Variants in PPFIA1 observed in about 807,000 individuals in gnomAD.
PPFIA1 encodes the protein PPFI scaffold protein A1.
In PPFIA1, 25 loss-of-function variants were observed where a neutral mutation model predicts 149.9. The observed-to-expected ratio is 0.17, with a 90% confidence interval of 0.12 to 0.23. The LOEUF is 0.23. PPFIA1 is among the 10% of genes least tolerant of loss of function. The probability of loss-of-function intolerance (pLI) is 1.00; values close to 1 mark genes in which losing one functional copy is unlikely to be tolerated. For missense variants in PPFIA1, 1,362 were observed against 1,506.5 expected (o/e 0.90, Z 1.59); for synonymous variants, 549 against 552.8 (o/e 0.99, Z 0.10).
intron 7 of PPFIA1, among the ~76,000 whole-genome samples, chr11:70,329,153 G>A (rs924512355): frequency 6.6e-6 from 1 of 152,180 alleles, no homozygotes; most frequent in Non-Finnish European, 1.5e-5. Flanking sequence ...ACTGAGAGAG[G>A]CCGCACCCTG....
chr11:70,338,403 G>C lies in PPFIA1; in HGVS notation c.1521G>C (p.Leu507=). 1 of 1,613,520 alleles carries C rather than the reference G, an allele frequency of 6.2e-7. No homozygotes were observed. Among genetic ancestry groups the C allele is most frequent in the East Asian group, 2.2e-5 (1 of 44,886 alleles). ...KDQLVLNIEA[L]RAELDHMRLR... is the part of the protein sequence containing the mutation. Reference sequence around the variant, plus strand: ...AGCTTGTCCTAAACATTGAAGCACTGAGGGCTGAACTAGACCACATGAGAC... The same window carrying C: ...AGCTTGTCCTAAACATTGAAGCACTCAGGGCTGAACTAGACCACATGAGAC... Residue 507 remains leucine, a synonymous_variant, in exon 13 of 28, where the codon CTG becomes CTC. Coordinates refer to ENST00000253925, the MANE Select transcript of PPFIA1 (RefSeq NM_003626.5).
At chr11:70,316,767 T>A (rs778438706) in intron 2 of PPFIA1, among the ~76,000 whole-genome samples, 1 of 152,272 alleles carries the variant, frequency 6.6e-6, no homozygotes, top group Non-Finnish European at 1.5e-5. Context: ...CGGGAAAAGA[T>A]GGATCACTTT....
chr11:70,314,010 C>T (rs188314311), intron 2 of PPFIA1, among the ~76,000 whole-genome samples: 11 of 152,264 alleles, frequency 7.2e-5, no homozygotes, highest in East Asian at 1.9e-4. Context: ...AGATTGAGGT[C>T]GTGTCTCAAA....
intron 1 of PPFIA1, chr11:70,271,766 G>A (rs2050106258): frequency 6.1e-6 from 1 of 164,368 alleles, no homozygotes; most frequent in African/African-American, 2.4e-5. Context: ...CCTGAAAAAT[G>A]ATTGGGTGAC....
chr11:70,376,099 C>T (rs1049707299), intron 24 of PPFIA1, among the ~76,000 whole-genome samples: 6 of 152,034 alleles, frequency 3.9e-5, no homozygotes, highest in Admixed American at 1.3e-4. Flanking sequence ...AGTGATTTTC[C>T]TGCCTCATCC....
At chr11:70,339,122 T>C in intron 13 of PPFIA1, 49 bp from the exon 14 acceptor site, 1 of 1,602,786 alleles carries the variant, frequency 6.2e-7, no homozygotes, top group Non-Finnish European at 8.5e-7. Context: ...AAAAGAGAGT[T>C]TATTTTCTTT....
chr11:70,348,564 C>T, intron 16 of PPFIA1, 144 bp downstream of exon 16: 1 of 738,582 alleles, frequency 1.4e-6, no homozygotes, highest in South Asian at 1.9e-5. Flanking sequence ...ACTATTTAAT[C>T]ATTCAGTTAT....
intron 2 of PPFIA1, among the ~76,000 whole-genome samples, chr11:70,319,624 A>G (rs914078624): frequency 1.3e-5 from 2 of 152,074 alleles, no homozygotes; most frequent in Non-Finnish European, 2.9e-5. Context: ...ACTGACTGAG[A>G]CTTTACCAGT....
rs202118330 is a variant in PPFIA1 at position 70,272,402 on chromosome 11, C to G, written c.230C>G (p.Ser77Cys). 5.6e-6 allele frequency: 9 copies of G among 1,614,124 alleles called. No individual in the cohort carries two copies. The Admixed American group carries it at 1.3e-4, about 24-fold the overall frequency. ...KLHEVGHERD[S>C]LQRQLNTALP... ...CACGAGGTTGGTCATGAAAGAGATT[C>G]CTTGCAGAGACAGCTCAACACGGCA... Residue 77 changes from serine to cysteine, a missense_variant, in exon 2 of 28, where the codon TCC (serine) becomes TGC (cysteine). Coordinates refer to ENST00000253925, the MANE Select transcript of PPFIA1 (RefSeq NM_003626.5).
chr11:70,286,933 C>T (rs561475760), intron 2 of PPFIA1, among the ~76,000 whole-genome samples: 8 of 136,556 alleles, frequency 5.9e-5, no homozygotes, highest in African/African-American at 2.7e-4. Flanking sequence ...CATATATATA[C>T]ACATATATAT....
intron 2 of PPFIA1, among the ~76,000 whole-genome samples, chr11:70,291,837 A>ATT (rs398016576): frequency 0.039 from 4,703 of 119,568 alleles, 186 homozygotes; most frequent in African/African-American, 0.081. Flanking sequence ...CGCCTGGCTA[A>ATT]TTTTTTTTTT....
At chr11:70,336,151 C>T (rs1285029262) in intron 11 of PPFIA1, among the ~76,000 whole-genome samples, 6 of 152,152 alleles carry the variant, frequency 3.9e-5, no homozygotes, top group African/African-American at 1.4e-4. Flanking sequence ...TTTGCCAGCC[C>T]CTGCACTAGG....
intron 11 of PPFIA1, among the ~76,000 whole-genome samples, chr11:70,336,129 G>A (rs751494364): frequency 3.9e-5 from 6 of 152,164 alleles, no homozygotes; most frequent in Non-Finnish European, 7.3e-5. Context: ...GGTTTTGGCC[G>A]TCAGGTTCTA....
chr11:70,325,300 A>G (rs2054196478), intron 4 of PPFIA1, among the ~76,000 whole-genome samples, 200 bp from the exon 5 acceptor site: 1 of 151,874 alleles, frequency 6.6e-6, no homozygotes, highest in Non-Finnish European at 1.5e-5. Context: ...TCGGGGGAAG[A>G]TTTATTTTTC....
chr11:70,330,659 T>G (rs867634690), intron 8 of PPFIA1, among the ~76,000 whole-genome samples: 21 of 152,252 alleles, frequency 1.4e-4, no homozygotes, highest in Admixed American at 3.9e-4. Flanking sequence ...ATGAATAGTA[T>G]GACAAATGAA....
intron 16 of PPFIA1, among the ~76,000 whole-genome samples, chr11:70,351,338 A>G (rs1357036271): frequency 6.6e-6 from 1 of 152,230 alleles, no homozygotes; most frequent in Admixed American, 6.5e-5. Flanking sequence ...GCAAAGCTAT[A>G]GAATGTAGAT....
chr11:70,367,487 G>C (rs1023289167), intron 21 of PPFIA1: 1 of 455,862 alleles, frequency 2.2e-6, no homozygotes, highest in African/African-American at 2.0e-5. Context: ...GAGTTCATAA[G>C]ACTGGGTTGT....
Position 70,372,390 on chromosome 11 carries a change from G to A in PPFIA1, c.3041G>A (p.Arg1014Lys), listed in dbSNP as rs779941815. 2.5e-6 allele frequency: 4 copies of A among 1,613,942 alleles called. No individual in the cohort carries two copies. The highest frequency in any genetic ancestry group is 2.2e-5 in the South Asian group (2 of 91,080). The change falls in exon 22 of 28, where the codon AGA becomes AAA. Residue 1014 changes from arginine (R) to lysine (K), a missense_variant and splice_region_variant. Physicochemically the swap from Arg to Lys is conservative, Grantham distance 26. This residue lies in a region of PPFIA1 where 349 missense variants were observed against 373.3 expected (regional missense o/e 0.93). Coordinates refer to ENST00000253925, the MANE Select transcript of PPFIA1 (RefSeq NM_003626.5). ...CTGAAAATGGTCGACAGTTTTCACA[G>A]GTAACTTAATGGAGATAGTTCTTAA... ...GQLKMVDSFH[R>K]NSFQCGIMCL...
chr11:70,316,630 G>A (rs1048119942), intron 2 of PPFIA1, among the ~76,000 whole-genome samples: 3 of 151,962 alleles, frequency 2.0e-5, no homozygotes, highest in Non-Finnish European at 2.9e-5. Flanking sequence ...TCCCACTGGC[G>A]ATGGGGCTAC....
Sources: allele counts gnomAD v4.1 joint callset (sites outside exome capture counted in the v4.1 genomes callset), GRCh38; gene constraint gnomAD v4.1.1; regional missense constraint gnomAD v4.1.1; transcripts MANE v1.5; gene names NCBI Gene and HGNC (gene_info 2026-07-23, HGNC 2026-07-21).